FAR2: variants seen among roughly 807,000 people sequenced by gnomAD.
FAR2 encodes epididymis secretory protein Li 81.
A neutral mutation model predicts 56.0 loss-of-function variants in FAR2; 19 were observed. The observed-to-expected ratio is 0.34, with a 90% CI of 0.24 to 0.50. The LOEUF (loss-of-function observed/expected upper bound fraction) is 0.50, where lower values mean the gene tolerates loss of function less well. Among genes scored for constraint, FAR2 ranks in the 20% least tolerant of loss-of-function variants. The probability of loss-of-function intolerance (pLI) is 0.98; values close to 1 mark genes in which losing one functional copy is unlikely to be tolerated. For missense variants in FAR2, 508 were observed against 642.2 expected, an observed-to-expected ratio of 0.79 and a Z score of 2.26; for synonymous variants, 219 against 218.8, an observed-to-expected ratio of 1.00 and a Z score of -0.01.
chr12:29,153,225 T>C (rs1369739002), intron 1 of FAR2, among the ~76,000 whole-genome samples: 1 of 152,080 alleles, frequency 6.6e-6, no homozygotes, highest in African/African-American at 2.4e-5. Context: ...AACAGAATGC[T>C]GTAAGAAAAA....
rs1004602281 is a variant in FAR2 at position 29,177,249 on chromosome 12, C to G, written c.-39+27842C>G. On this transcript the variant is annotated intron_variant, in intron 1 of 11. Transcript: ENST00000536681. The stretch of plus-strand genomic sequence containing the variant: ...TGACCCGAATTTCATCAGTCTTATT[C>G]CAGTCTATTCCAGCTGCAATGGATC... 2.0e-5 allele frequency among the ~76,000 whole-genome samples: 3 copies of G among 152,194 alleles called. No homozygotes were observed. The South Asian group carries it at 6.2e-4, about 31-fold the overall frequency.
chr12:29,293,688 G>C, intron 3 of FAR2: 1 of 381,494 alleles, frequency 2.6e-6, no homozygotes, highest in Non-Finnish European at 4.5e-6. Flanking sequence ...TTACATAGGT[G>C]TATGTTCAAT....
At chr12:29,264,097 A>G (rs1948470940) in intron 1 of FAR2, among the ~76,000 whole-genome samples, 1 of 152,166 alleles carries the variant, frequency 6.6e-6, no homozygotes, top group Non-Finnish European at 1.5e-5. Flanking sequence ...AACTGAAATC[A>G]AGAACACATT....
rs2136710128 is a variant in FAR2 at position 29,272,643 on chromosome 12, A to T, written c.189+2005A>T. On this transcript the variant is annotated intron_variant, in intron 2 of 11. Coordinates refer to ENST00000536681, the MANE Select transcript of FAR2 (RefSeq NM_001271783.2). ...GAAGCCTACTTCTGTCAATTTGTCC[A>T]TCTGATCCTCCGTCCAGTTCTGCAT... Among the ~76,000 whole-genome samples the T allele has an allele frequency of 1.3e-5, 2 of 152,250 alleles. 1 individual carries two copies. The highest frequency in any genetic ancestry group is 4.1e-4 in the South Asian group (2 of 4,828).
intron 11 of FAR2, 174 bp from the exon 12 acceptor site, chr12:29,333,458 C>A: frequency 1.7e-6 from 1 of 593,750 alleles, no homozygotes; most frequent in South Asian, 2.5e-5. Flanking sequence ...GACTATTCAG[C>A]AAGAATGCTG....
intron 1 of FAR2, among the ~76,000 whole-genome samples, chr12:29,235,036 C>T (rs1049607094): frequency 6.6e-6 from 1 of 152,128 alleles, no homozygotes; most frequent in Non-Finnish European, 1.5e-5. Context: ...TTACTATGTG[C>T]CAAGTTTGAT....
chr12:29,305,043 C>G (rs1053418683), intron 4 of FAR2, among the ~76,000 whole-genome samples: 3 of 152,144 alleles, frequency 2.0e-5, no homozygotes, highest in Non-Finnish European at 4.4e-5. Flanking sequence ...CTCCTCTGAA[C>G]CTAGGAAGTG....
At chr12:29,332,330 C>T (rs1015334341) in intron 10 of FAR2, among the ~76,000 whole-genome samples, 3 of 152,188 alleles carry the variant, frequency 2.0e-5, no homozygotes, top group Non-Finnish European at 2.9e-5. Flanking sequence ...AAGTTTTCAC[C>T]AGACTATGTA....
rs781358432 is a variant in FAR2 at position 29,316,985 on chromosome 12, A to C, written c.1100A>C (p.Tyr367Ser). ...HRAPAIIYDC[Y>S]LRLTGRKPRM... is the part of the protein sequence containing the mutation. ...GCCCCTGCCATTATCTATGACTGCT[A>C]TCTGCGGCTCACTGGAAGGAAGCCC... Residue 367 changes from tyrosine to serine, a missense_variant, in exon 9 of 12, where the codon TAT (tyrosine) becomes TCT (serine). Transcript: ENST00000536681. 3.7e-6 allele frequency: 6 copies of C among 1,613,774 alleles called. No individual in the cohort carries two copies.
intron 2 of FAR2, among the ~76,000 whole-genome samples, chr12:29,282,872 C>T (rs376025241): frequency 1.3e-5 from 2 of 151,874 alleles, no homozygotes; most frequent in African/African-American, 4.8e-5. Flanking sequence ...AGTGAAGAAT[C>T]GAAAAAGAAG....
chr12:29,317,949 A>G (rs1256315091), intron 9 of FAR2: 1 of 152,704 alleles, frequency 6.5e-6, no homozygotes, highest in Non-Finnish European at 1.5e-5. Flanking sequence ...TGAAGAAATT[A>G]GAGGGAACAC....
chr12:29,165,671 G>A (rs900141788), intron 1 of FAR2, among the ~76,000 whole-genome samples: 4 of 152,014 alleles, frequency 2.6e-5, no homozygotes, highest in Non-Finnish European at 4.4e-5. Context: ...CTTCTTTTTC[G>A]ATGATCAAAT....
At chr12:29,303,145 T>G (rs1297365451) in intron 4 of FAR2, among the ~76,000 whole-genome samples, 3 of 152,188 alleles carry the variant, frequency 2.0e-5, no homozygotes, top group Non-Finnish European at 2.9e-5. Flanking sequence ...ATTCCCTGAT[T>G]TGCCCGACTG....
At chr12:29,248,276 A>G (rs1948158965) in intron 1 of FAR2, among the ~76,000 whole-genome samples, 1 of 152,192 alleles carries the variant, frequency 6.6e-6, no homozygotes, top group Non-Finnish European at 1.5e-5. Context: ...CAATATTCAC[A>G]TAAGTTCTTT....
intron 2 of FAR2, chr12:29,277,932 C>CTTTTTTTTTTTTTTTTTTTTTTTTTTTT: frequency 8.7e-6 from 1 of 115,490 alleles, no homozygotes; most frequent in Non-Finnish European, 1.7e-5. Context: ...TATTTTCTTT[C>CTTTTTTTTTTTTTTTTTTTTTTTTTTTT]TTTTTTTTTT....
chr12:29,310,768 C>T (rs1949334049), intron 6 of FAR2, among the ~76,000 whole-genome samples: 1 of 152,116 alleles, frequency 6.6e-6, no homozygotes, highest in Non-Finnish European at 1.5e-5. Flanking sequence ...ATTAACCTCT[C>T]ACAAATTTGA....
intron 1 of FAR2, among the ~76,000 whole-genome samples, chr12:29,224,772 A>T (rs1202340227): frequency 6.6e-6 from 1 of 152,186 alleles, no homozygotes; most frequent in African/African-American, 2.4e-5. Context: ...GTAATGTTTT[A>T]AAAAGATAAT....
intron 10 of FAR2, among the ~76,000 whole-genome samples, chr12:29,322,379 T>C (rs568071757): frequency 6.6e-6 from 1 of 152,330 alleles, no homozygotes; most frequent in Non-Finnish European, 1.5e-5. Context: ...AGTTCCTTCC[T>C]TACCTTGTTA....
intron 7 of FAR2, 121 bp downstream of exon 7, chr12:29,311,267 T>C: frequency 1.5e-6 from 1 of 685,382 alleles, no homozygotes. Context: ...AGTGCGTATT[T>C]CAATATTTTA....
Sources: gnomAD v4.1 joint callset for allele counts (sites outside exome capture counted in the v4.1 genomes callset) on GRCh38, gnomAD v4.1.1 for gene constraint, MANE v1.5 for transcripts, NCBI Gene and HGNC (gene_info 2026-07-23, HGNC 2026-07-21) for gene names.